Variants in CALCRL observed in about 807,000 individuals in gnomAD.
CALCRL encodes calcitonin receptor like receptor.
A neutral mutation model predicts 60.4 loss-of-function variants in CALCRL; 27 were observed. That is an observed-to-expected ratio of 0.45 (90% CI 0.33 to 0.62). The LOEUF (loss-of-function observed/expected upper bound fraction) is 0.62, where lower values mean the gene tolerates loss of function less well. Among genes scored for constraint, CALCRL ranks in the 20% least tolerant of loss-of-function variants. CALCRL has a pLI of 0.03. For missense variants in CALCRL, 424 were observed against 540.7 expected (o/e 0.78, Z 2.14); for synonymous variants, 190 against 182.6 (o/e 1.04, Z -0.33).
Position 187,351,126 on chromosome 2 carries a change from A to C in CALCRL, c.1170+794T>G, listed in dbSNP as rs1686510822. Among the ~76,000 whole-genome samples, 2 of 22,678 alleles carry C rather than the reference A, an allele frequency of 8.8e-5. 1 individual carries two copies. The highest frequency in any genetic ancestry group is 1.7e-4 in the Non-Finnish European group (2 of 11,682). 14.9% of individuals were successfully genotyped at this position (22,678 alleles called of 152,430 possible). ...CGGTGAAACCCCGTCTCTACTAAAA[A>C]TACAAAAAATTAGCCGGGCGCGGTG... On this transcript the variant is annotated intron_variant, in intron 14 of 14. Transcript: ENST00000392370.
chr2:187,413,276 A>G (rs997611413), intron 1 of CALCRL, among the ~76,000 whole-genome samples: 3 of 151,920 alleles, frequency 2.0e-5, no homozygotes, highest in Admixed American at 6.5e-5. Context: ...TGAACATCAC[A>G]TGGGCATAGC....
intron 1 of CALCRL, among the ~76,000 whole-genome samples, chr2:187,435,501 A>T (rs6760862): frequency 0.04 from 6,110 of 152,230 alleles, 182 homozygotes; most frequent in South Asian, 0.12. Context: ...TTCATATGAG[A>T]TTTGGAGAGG....
At chr2:187,441,479 T>G (rs10179676) in intron 1 of CALCRL, among the ~76,000 whole-genome samples, 41 of 151,968 alleles carry the variant, frequency 2.7e-4, no homozygotes, top group Admixed American at 8.5e-4. Context: ...AGTGGTGGTG[T>G]TGTTGTCCAG....
chr2:187,347,930 A>G (rs1349579587), intron 14 of CALCRL, among the ~76,000 whole-genome samples: 1 of 151,782 alleles, frequency 6.6e-6, no homozygotes, highest in Non-Finnish European at 1.5e-5. Context: ...TTAAAATGAA[A>G]TAACTTCGTA....
chr2:187,417,831 C>CTA (rs1689683056), intron 1 of CALCRL, among the ~76,000 whole-genome samples: 1 of 152,032 alleles, frequency 6.6e-6, no homozygotes, highest in South Asian at 2.1e-4. Context: ...AAGGTATGAA[C>CTA]TATAAAACCA....
rs375820015 is a variant in CALCRL, at chr2:187,363,437, A to G, written c.566T>C (p.Val189Ala). The G allele has an allele frequency of 1.9e-5, 31 of 1,612,498 alleles. No individual in the cohort carries two copies. The African/African-American group carries it at 2.5e-4, about 13-fold the overall frequency. Residue 189 changes from valine to alanine, a missense_variant, in exon 9 of 15, where the codon GTT (valine) becomes GCT (alanine). This residue lies in a region of CALCRL where 43 missense variants were observed against 40.9 expected (regional missense o/e 1.05). Coordinates refer to ENST00000392370, the MANE Select transcript of CALCRL (RefSeq NM_005795.6). ...TGCAGTGAGGTGAATGATTGTTACA[A>G]CAGAGTTACAAACAAATGAGAAGAA... ...NLFFSFVCNS[V>A]VTIIHLTAVA...
intron 1 of CALCRL, among the ~76,000 whole-genome samples, chr2:187,389,196 T>G (rs1360044859): frequency 6.6e-6 from 1 of 151,654 alleles, no homozygotes; most frequent in Non-Finnish European, 1.5e-5. Context: ...CCTCAGTCTC[T>G]CGAATAACTG....
intron 4 of CALCRL, among the ~76,000 whole-genome samples, chr2:187,384,420 G>A (rs1172549224): frequency 6.6e-6 from 1 of 152,076 alleles, no homozygotes; most frequent in African/African-American, 2.4e-5. Flanking sequence ...ATTTGTACAC[G>A]ATCTTACATG....
intron 8 of CALCRL, among the ~76,000 whole-genome samples, chr2:187,368,231 T>A (rs955677953): frequency 1.3e-5 from 2 of 152,054 alleles, no homozygotes; most frequent in African/African-American, 4.8e-5. Flanking sequence ...CATGTTAAGT[T>A]AGCTGTTGTT....
chr2:187,355,238 A>G (rs568605191), intron 12 of CALCRL, among the ~76,000 whole-genome samples: 23 of 152,038 alleles, frequency 1.5e-4, no homozygotes, highest in Non-Finnish European at 2.4e-4. Flanking sequence ...CTCTGAGATG[A>G]TACACAGGCA....
At chr2:187,407,941 A>G (rs1005745828) in intron 1 of CALCRL, among the ~76,000 whole-genome samples, 6 of 152,072 alleles carry the variant, frequency 3.9e-5, no homozygotes, top group Non-Finnish European at 7.4e-5. Context: ...TCCCACCTCT[A>G]TATGTTAACT....
At chr2:187,349,825 G>C (rs2105690839) in intron 14 of CALCRL, among the ~76,000 whole-genome samples, 1 of 151,760 alleles carries the variant, frequency 6.6e-6, no homozygotes, top group South Asian at 2.1e-4. Flanking sequence ...AAATAAAAGA[G>C]CCAATTTGGG....
At chr2:187,446,635 T>C (rs918670172) in intron 1 of CALCRL, among the ~76,000 whole-genome samples, 1 of 151,798 alleles carries the variant, frequency 6.6e-6, no homozygotes, top group African/African-American at 2.4e-5. Context: ...ATGTGTTGTT[T>C]CCACTTTCTC....
At chr2:187,422,166 T>G (rs557674118) in intron 1 of CALCRL, among the ~76,000 whole-genome samples, 1 of 152,196 alleles carries the variant, frequency 6.6e-6, no homozygotes, top group Non-Finnish European at 1.5e-5. Flanking sequence ...TTTTTATTAC[T>G]AAAATTCCAA....
intron 1 of CALCRL, among the ~76,000 whole-genome samples, chr2:187,407,073 A>G (rs1477344903): frequency 6.6e-6 from 1 of 151,996 alleles, no homozygotes; most frequent in Non-Finnish European, 1.5e-5. Context: ...ACAGCACACT[A>G]TCACACTAGA....
intron 3 of CALCRL, among the ~76,000 whole-genome samples, chr2:187,385,874 C>T (rs918413030): frequency 2.0e-5 from 3 of 152,034 alleles, no homozygotes; most frequent in African/African-American, 7.2e-5. Flanking sequence ...CCTCAGCCTC[C>T]CAAGTAGATG....
At chr2:187,377,875 A>G (rs950084699) in intron 8 of CALCRL, among the ~76,000 whole-genome samples, 1 of 152,094 alleles carries the variant, frequency 6.6e-6, no homozygotes, top group Non-Finnish European at 1.5e-5. Flanking sequence ...ACTATAATTA[A>G]AACTGTAGAA....
chr2:187,367,101 G>A (rs1462304516), intron 8 of CALCRL, among the ~76,000 whole-genome samples: 1 of 151,918 alleles, frequency 6.6e-6, no homozygotes, highest in Non-Finnish European at 1.5e-5. Flanking sequence ...TTAATACCAA[G>A]ACAAAACAAG....
At chr2:187,416,714 T>A (rs1180488261) in intron 1 of CALCRL, among the ~76,000 whole-genome samples, 1 of 152,080 alleles carries the variant, frequency 6.6e-6, no homozygotes, top group Non-Finnish European at 1.5e-5. Flanking sequence ...CTGAACTAAA[T>A]GCAAACAGAA....
Sources: gnomAD v4.1 joint callset for allele counts (sites outside exome capture counted in the v4.1 genomes callset) on GRCh38, gnomAD v4.1.1 for gene constraint, gnomAD v4.1.1 regional missense constraint, MANE v1.5 for transcripts, NCBI Gene and HGNC (gene_info 2026-07-23, HGNC 2026-07-21) for gene names.